VGLL1: variants seen among roughly 807,000 people sequenced by gnomAD.
VGLL1 encodes the protein vestigial like family member 1.
VGLL1 carries 4 observed loss-of-function variants against 12.0 expected under a neutral mutation model. The observed-to-expected ratio is 0.33, with a 90% CI of 0.16 to 0.76. The LOEUF (loss-of-function observed/expected upper bound fraction) is 0.76. Ranked by LOEUF, VGLL1 falls within the 30% of genes least tolerant of loss-of-function variation. The pLI, the probability that VGLL1 is intolerant of heterozygous loss-of-function variation, is 0.60. For synonymous variants in VGLL1, 87 were observed against 81.2 expected (o/e 1.07, Z -0.39); for missense variants, 204 against 208.7 (o/e 0.98, Z 0.14).
chrX:136,554,685 CA>C (rs2075896562), intron 4 of VGLL1, among the ~76,000 whole-genome samples: 1 of 111,783 alleles, frequency 8.9e-6, no homozygotes, highest in Non-Finnish European at 1.9e-5. Context: ...ACAGCAGAGA[CA>C]GGGGTATTTG....
intron 2 of VGLL1, among the ~76,000 whole-genome samples, chrX:136,538,588 G>C: frequency 8.9e-6 from 1 of 112,203 alleles, no homozygotes; most frequent in East Asian, 2.8e-4. Flanking sequence ...TGAACGACTT[G>C]CTCCCACTGG....
chrX:136,551,070 A>C (rs2148533337), intron 4 of VGLL1: 1 of 314,384 alleles, frequency 3.2e-6, no homozygotes, highest in East Asian at 5.7e-5. Context: ...AACTCTCCTT[A>C]GTTTCTTTTT....
chrX:136,542,489 G>A (rs2075859227), intron 2 of VGLL1, among the ~76,000 whole-genome samples: 1 of 112,457 alleles, frequency 8.9e-6, no homozygotes, highest in Admixed American at 9.4e-5. Flanking sequence ...TGGGGGTGTT[G>A]TGACTGAGAG....
chrX:136,532,585 C>A (rs758467190), intron 1 of VGLL1, among the ~76,000 whole-genome samples: 226 of 20,780 alleles, frequency 0.011, 1 homozygote, highest in Middle Eastern at 0.042. Flanking sequence ...TTCTTTCTTT[C>A]TTTCTTTCTT....
intron 4 of VGLL1, among the ~76,000 whole-genome samples, chrX:136,553,546 A>T (rs1209916458): frequency 9.0e-6 from 1 of 111,632 alleles, no homozygotes; most frequent in Non-Finnish European, 1.9e-5. Context: ...TCCTGACCTC[A>T]GGTGATCAGC....
intron 1 of VGLL1, among the ~76,000 whole-genome samples, chrX:136,534,769 G>T (rs1484502520): frequency 9.0e-6 from 1 of 111,629 alleles, no homozygotes; most frequent in African/African-American, 3.3e-5. Context: ...GGAAAGTAAG[G>T]GTGCAATGGA....
At chrX:136,551,750 C>T (rs186307376) in intron 4 of VGLL1, among the ~76,000 whole-genome samples, 7 of 111,542 alleles carry the variant, frequency 6.3e-5, no homozygotes, top group African/African-American at 2.3e-4. Flanking sequence ...GGAGGGCATC[C>T]TGTGTTCCCC....
In VGLL1 at chrX:136,536,048, C is replaced by G; in HGVS notation, c.28C>G (p.Arg10Gly). ...GGAAGAAATGAAGAAGACTGCCATC[C>G]GGCTGCCCAAAGGCAAACAGAAGCC... MEEMKKTAI[R>G]LPKGKQKPIK... The change falls in exon 2 of 5, where the codon CGG becomes GGG. Residue 10 changes from arginine to glycine, a missense_variant. Arg to Gly is a moderately radical substitution (Grantham distance 125). Transcript: ENST00000370634. The G allele has an allele frequency of 2.5e-6, 3 of 1,211,370 alleles. No individual in the cohort carries two copies. The highest frequency in any genetic ancestry group is 2.2e-6 in the Non-Finnish European group (2 of 895,380).
chrX:136,532,573 ATTTCTTTCTTTCTTTCTTTCTTTCTTTC>A (rs778585359), intron 1 of VGLL1, among the ~76,000 whole-genome samples: 455 of 41,473 alleles, frequency 0.011, 4 homozygotes, highest in South Asian at 0.017. Context: ...GTGCTCAAAT[ATTTCTTTCTTTCTTTCTTTCTTTCTTTC>A]TTTCTTTCTT....
intron 4 of VGLL1, among the ~76,000 whole-genome samples, chrX:136,555,945 C>A (rs2075899885): frequency 9.1e-6 from 1 of 110,482 alleles, no homozygotes; most frequent in Admixed American, 9.6e-5. Context: ...GCAGAGAAGG[C>A]AAATGGGGAC....
intron 2 of VGLL1, among the ~76,000 whole-genome samples, chrX:136,548,117 T>C (rs984621855): frequency 9.0e-6 from 1 of 111,549 alleles, no homozygotes; most frequent in Non-Finnish European, 1.9e-5. Flanking sequence ...TCTCCTGCCT[T>C]AGCATCCCGA....
At chrX:136,554,035 C>G (rs770206159) in intron 4 of VGLL1, among the ~76,000 whole-genome samples, 1 of 112,294 alleles carries the variant, frequency 8.9e-6, no homozygotes, top group East Asian at 2.8e-4. Context: ...AGATACAGGA[C>G]TATAATATAC....
chrX:136,538,603 C>T (rs941495012), intron 2 of VGLL1, among the ~76,000 whole-genome samples: 4 of 112,370 alleles, frequency 3.6e-5, no homozygotes, highest in African/African-American at 9.7e-5. Context: ...CACTGGAAGA[C>T]GTACGTACCT....
intron 2 of VGLL1, among the ~76,000 whole-genome samples, chrX:136,539,551 C>T: frequency 9.0e-6 from 1 of 111,503 alleles, no homozygotes. Flanking sequence ...TAACATTATG[C>T]TTTCTTGGTT....
chrX:136,547,077 C>A (rs967380563), intron 2 of VGLL1, among the ~76,000 whole-genome samples: 8 of 112,415 alleles, frequency 7.1e-5, no homozygotes, highest in Non-Finnish European at 1.1e-4. Context: ...ATCTTGTACA[C>A]AATCCAGTCA....
At position 136,532,657 on chromosome X, in the gene VGLL1, CTTTCT is replaced by C. The variant is rs1211563762; in HGVS notation, c.-26+365_-26+369del. Reference sequence around the variant, plus strand: ...TCTTTCTTTCTTTCTTTCTTTCTTTCTTTCTTTTTCTTTCTTTCTTCTTTCTTTCT... The same window carrying C: ...TCTTTCTTTCTTTCTTTCTTTCTTTCTTTTCTTTCTTTCTTCTTTCTTTCT... On this transcript the variant is annotated intron_variant, in intron 1 of 4. Coordinates refer to ENST00000370634, the MANE Select transcript of VGLL1 (RefSeq NM_016267.4). 7.4e-4 allele frequency among the ~76,000 whole-genome samples: 48 copies of C among 64,449 alleles called. 2 individuals are homozygous for C. Among genetic ancestry groups the C allele is most frequent in the Admixed American group, 5.2e-3 (27 of 5,157 alleles). The allele number at this position is 64,449 out of a possible 115,157, so 56.0% of individuals were successfully genotyped here.
At chrX:136,533,674 G>A (rs986207130) in intron 1 of VGLL1, among the ~76,000 whole-genome samples, 6 of 111,979 alleles carry the variant, frequency 5.4e-5, no homozygotes, top group Non-Finnish European at 7.5e-5. Context: ...ACAGAGTTGG[G>A]AGTTGCTGCC....
chrX:136,549,268 C>T (rs1332824241), intron 3 of VGLL1, among the ~76,000 whole-genome samples: 1 of 111,863 alleles, frequency 8.9e-6, no homozygotes, highest in African/African-American at 3.2e-5. Flanking sequence ...GTCAACTTGG[C>T]CTTACCTTAG....
chrX:136,553,736 A>G (rs980658719), intron 4 of VGLL1, among the ~76,000 whole-genome samples: 1 of 112,100 alleles, frequency 8.9e-6, no homozygotes, highest in African/African-American at 3.2e-5. Context: ...AATATTTGTC[A>G]AGGAAGGGAG....
Sources: gnomAD v4.1 joint callset for allele counts (sites outside exome capture counted in the v4.1 genomes callset) on GRCh38, gnomAD v4.1.1 for gene constraint, MANE v1.5 for transcripts, NCBI Gene and HGNC (gene_info 2026-07-23, HGNC 2026-07-21) for gene names.